The following E2F5 variants were observed in gnomAD, a reference collection of about 807,000 sequenced individuals.
E2F5 encodes transcription factor E2F5.
Under a neutral mutation model 39.1 loss-of-function variants are expected in E2F5, and 23 were observed. The observed-to-expected ratio is 0.59, with a 90% CI of 0.42 to 0.83. The LOEUF is 0.83. E2F5 is among the 40% of genes least tolerant of loss of function. The pLI is 0.00. For missense variants in E2F5, 365 were observed against 406.7 expected (o/e 0.90, Z 0.88); for synonymous variants, 145 against 157.8 (o/e 0.92, Z 0.61).
At position 85,207,497 on chromosome 8, in the gene E2F5, G is replaced by A. The variant is rs1314623445; in HGVS notation, c.615+8G>A. The A allele has an allele frequency of 6.4e-7, 1 of 1,551,294 alleles. No individual in the cohort carries two copies. Among genetic ancestry groups the A allele is most frequent in the Non-Finnish European group, 8.7e-7 (1 of 1,146,872 alleles). On this transcript the variant is annotated splice_region_variant and intron_variant, in intron 5 of 7. Coordinates refer to ENST00000416274, the MANE Select transcript of E2F5 (RefSeq NM_001951.4). ...GTACCCATTCCAGAAATGGTATGTA[G>A]GATAACTTATGTTTATATAAGTGGG...
chr8:85,186,740 G>A (rs574420276), intron 1 of E2F5, among the ~76,000 whole-genome samples: 4 of 146,084 alleles, frequency 2.7e-5, no homozygotes, highest in Non-Finnish European at 4.5e-5. Flanking sequence ...TATATATAAG[G>A]TATATATATG....
At chr8:85,178,539 G>A (rs562403783) in intron 1 of E2F5, among the ~76,000 whole-genome samples, 11 of 152,142 alleles carry the variant, frequency 7.2e-5, no homozygotes, top group African/African-American at 2.4e-4. Context: ...TGGTCACTCC[G>A]CGCGAAGTTT....
chr8:85,183,920 G>T (rs1392522492), intron 1 of E2F5, among the ~76,000 whole-genome samples: 1 of 152,118 alleles, frequency 6.6e-6, no homozygotes, highest in African/African-American at 2.4e-5. Context: ...ATCTGACTGG[G>T]GTCCTTATGA....
chr8:85,198,105 C>G (rs1371239085), intron 1 of E2F5, among the ~76,000 whole-genome samples: 3 of 152,192 alleles, frequency 2.0e-5, no homozygotes, highest in African/African-American at 7.2e-5. Context: ...TTCTCCCTAC[C>G]TGGTCTACTA....
At chr8:85,196,651 T>C (rs1240279588) in intron 1 of E2F5, among the ~76,000 whole-genome samples, 1 of 152,258 alleles carries the variant, frequency 6.6e-6, no homozygotes, top group East Asian at 1.9e-4. Flanking sequence ...AATGTATTTA[T>C]GAATATGCAG....
At chr8:85,193,301 T>C (rs534933325) in intron 1 of E2F5, among the ~76,000 whole-genome samples, 1 of 152,048 alleles carries the variant, frequency 6.6e-6, no homozygotes, top group African/African-American at 2.4e-5. Context: ...CTGGCCAACA[T>C]GGTGAAACCC....
intron 1 of E2F5, among the ~76,000 whole-genome samples, chr8:85,197,270 C>A (rs1812602362): frequency 6.6e-6 from 1 of 152,158 alleles, no homozygotes; most frequent in Non-Finnish European, 1.5e-5. Context: ...TTGATATTAG[C>A]CTTTTTAATA....
At chr8:85,200,780 G>A (rs1450243721) in intron 1 of E2F5, among the ~76,000 whole-genome samples, 1 of 152,226 alleles carries the variant, frequency 6.6e-6, no homozygotes, top group South Asian at 2.1e-4. Context: ...GATAAAACAA[G>A]AAGGGAATTG....
intron 3 of E2F5, among the ~76,000 whole-genome samples, chr8:85,203,538 C>T (rs1587496245): frequency 6.6e-6 from 1 of 151,990 alleles, no homozygotes; most frequent in East Asian, 1.9e-4. Context: ...GTATGCTAGC[C>T]AGTGTGCTTA....
intron 1 of E2F5, among the ~76,000 whole-genome samples, chr8:85,180,284 G>A (rs952882410): frequency 6.6e-6 from 1 of 151,630 alleles, no homozygotes; most frequent in Non-Finnish European, 1.5e-5. Flanking sequence ...GCCTCCCAGA[G>A]TGCTGGGATT....
chr8:85,177,478 G>A lies in E2F5; in HGVS notation c.58G>A (p.Gly20Ser). The change falls in exon 1 of 8, where the codon GGC becomes AGC. Residue 20 changes from glycine (G) to serine (S), a missense_variant. Coordinates refer to ENST00000416274, the MANE Select transcript of E2F5 (RefSeq NM_001951.4). The part of the protein sequence containing the change: ...GQQAPAGQGQ[G>S]QRPPPQPPQA... Reference sequence around the variant, plus strand: ...GCAGGCGCCGGCAGGGCAGGGGCAGGGCCAGCGGCCGCCGCCGCAGCCTCC... The same window carrying A: ...GCAGGCGCCGGCAGGGCAGGGGCAGAGCCAGCGGCCGCCGCCGCAGCCTCC... 3 of 1,018,746 alleles carry A rather than the reference G, an allele frequency of 2.9e-6. No individual in the cohort carries two copies. Among genetic ancestry groups the A allele is most frequent in the Non-Finnish European group, 3.5e-6 (3 of 853,812 alleles). 63.1% of individuals were successfully genotyped at this position (1,018,746 alleles called of 1,614,324 possible).
In E2F5 at chr8:85,210,963, A is replaced by C. The variant is rs80214018; in HGVS notation, c.884-1194A>C. On this transcript the variant is annotated intron_variant, in intron 6 of 7. Transcript: ENST00000416274. Reference sequence around the variant, plus strand: ...GAAGATCTGTGACCAAGGAAATAGCATAATTAGCTATAATGGTGCACACAG... The same window carrying C: ...GAAGATCTGTGACCAAGGAAATAGCCTAATTAGCTATAATGGTGCACACAG... 9.9e-3 allele frequency among the ~76,000 whole-genome samples: 1,510 copies of C among 152,266 alleles called. 30 individuals are homozygous for C. The highest frequency in any genetic ancestry group is 0.035 in the African/African-American group (1,445 of 41,554).
rs1262068462 is a variant in E2F5, at chr8:85,207,409, A to G, written c.551-16A>G. On this transcript the variant is annotated splice_polypyrimidine_tract_variant and intron_variant, in intron 4 of 7. Transcript: ENST00000416274. ...AACAGTATTTTATGTAACTTTTTAT[A>G]TTTATTTTTGACCAGGTGATACACT... is the stretch of plus-strand genomic sequence containing the variant. 2 of 1,548,524 alleles carry G rather than the reference A, an allele frequency of 1.3e-6. No individual in the cohort carries two copies. The highest frequency in any genetic ancestry group is 2.0e-5 in the Admixed American group (1 of 50,370).
At chr8:85,200,905 A>ACT (rs1019685485) in intron 1 of E2F5, among the ~76,000 whole-genome samples, 54 of 152,070 alleles carry the variant, frequency 3.6e-4, no homozygotes, top group African/African-American at 1.2e-3. Context: ...AAAGAGCCCC[A>ACT]CTCTCCTGCT....
At chr8:85,183,858 GA>G (rs935965901) in intron 1 of E2F5, among the ~76,000 whole-genome samples, 4 of 152,190 alleles carry the variant, frequency 2.6e-5, no homozygotes, top group Admixed American at 2.0e-4. Flanking sequence ...TGTATTTGGG[GA>G]TAGGGCCTTT....
At chr8:85,184,412 C>T (rs1466672491) in intron 1 of E2F5, among the ~76,000 whole-genome samples, 1 of 152,206 alleles carries the variant, frequency 6.6e-6, no homozygotes, top group Admixed American at 6.5e-5. Context: ...CAGTATCATA[C>T]TGAATGGACA....
chr8:85,195,921 TC>T (rs1358627596), intron 1 of E2F5, among the ~76,000 whole-genome samples: 4 of 152,216 alleles, frequency 2.6e-5, no homozygotes, highest in African/African-American at 9.6e-5. Flanking sequence ...TATCTTTTTT[TC>T]ATTTGAGTCA....
At position 85,213,899 on chromosome 8, in the gene E2F5, CTG is replaced by C. The variant is rs745395764; in HGVS notation, c.*41_*42del. On this transcript the variant is annotated 3_prime_UTR_variant, in exon 8 of 8. Coordinates refer to ENST00000416274, the MANE Select transcript of E2F5 (RefSeq NM_001951.4). ...ACTTGGGACTGTTATCTACCTCTAA[CTG>C]TGTAACATTTTAGACTTCTTAATAA... The C allele has an allele frequency of 8.2e-7, 1 of 1,219,274 alleles. No homozygotes were observed. The highest frequency in any genetic ancestry group is 1.3e-5 in the South Asian group (1 of 79,812). The allele number at this position is 1,219,274 out of a possible 1,614,324, so 75.5% of individuals were successfully genotyped here. A position where few individuals can be genotyped will look rare whatever the true frequency, so the allele number is the denominator to read the frequency against.
At chr8:85,180,574 GTT>G (rs1206566160) in intron 1 of E2F5, among the ~76,000 whole-genome samples, 2 of 56,906 alleles carry the variant, frequency 3.5e-5, no homozygotes, top group Admixed American at 2.0e-4. Flanking sequence ...GGTTGGTCTT[GTT>G]TTTTTTTTTT....
Sources: gnomAD v4.1 joint callset for allele counts (sites outside exome capture counted in the v4.1 genomes callset) on GRCh38, gnomAD v4.1.1 for gene constraint, MANE v1.5 for transcripts, NCBI Gene and HGNC (gene_info 2026-07-23, HGNC 2026-07-21) for gene names.